The following VPS13B variants were observed in gnomAD, a reference collection of about 807,000 sequenced individuals.
VPS13B encodes the protein intermembrane lipid transfer protein VPS13B.
A neutral mutation model predicts 426.4 loss-of-function variants in VPS13B; 285 were observed. The ratio of observed to expected loss-of-function variants is 0.67; its 90% CI spans 0.61 to 0.74. The LOEUF is 0.74. VPS13B is among the 30% of genes least tolerant of loss of function. The pLI, the probability that VPS13B is intolerant of heterozygous loss-of-function variation, is 0.00. For missense variants in VPS13B, 4,537 were observed against 4,782.6 expected (o/e 0.95, Z 1.51); for synonymous variants, 1,676 against 1,676.4 (o/e 1.00, Z 0.01).
At position 99,212,725 on chromosome 8, in the gene VPS13B, T is replaced by C. The variant is rs533741874; in HGVS notation, c.2515+19668T>C. On this transcript the variant is annotated intron_variant, in intron 17 of 61. Coordinates refer to ENST00000357162, the MANE Select transcript of VPS13B (RefSeq NM_152564.5). ...CCATCATGAAGAATCTTAAGTGATA[T>C]AGTTTGTCAGGATAAAACCCAAACT... Among the ~76,000 whole-genome samples, 3 of 152,284 alleles carry C rather than the reference T, an allele frequency of 2.0e-5. No individual in the cohort carries two copies. In the South Asian group the frequency reaches 6.2e-4, roughly 32 times the overall value.
chr8:99,589,704 C>T (rs1366827754), intron 33 of VPS13B, among the ~76,000 whole-genome samples: 1 of 152,042 alleles, frequency 6.6e-6, no homozygotes, highest in Non-Finnish European at 1.5e-5. Flanking sequence ...GATTTATAAT[C>T]CTTTGGGTAT....
chr8:99,642,667 A>G (rs1300107401), intron 34 of VPS13B, among the ~76,000 whole-genome samples, 169 bp downstream of exon 34: 1 of 152,230 alleles, frequency 6.6e-6, no homozygotes, highest in African/African-American at 2.4e-5. Context: ...TAAATGTTTG[A>G]AATGTATTGA....
chr8:99,792,973 TG>T (rs1450197848), intron 43 of VPS13B, among the ~76,000 whole-genome samples: 6 of 149,836 alleles, frequency 4.0e-5, no homozygotes, highest in Non-Finnish European at 8.9e-5. Flanking sequence ...TGGGAGGCCA[TG>T]GTGGGTGGAT....
At chr8:99,726,255 A>G (rs144970888) in intron 39 of VPS13B, among the ~76,000 whole-genome samples, 5 of 152,352 alleles carry the variant, frequency 3.3e-5, no homozygotes, top group Admixed American at 1.3e-4. Flanking sequence ...TAATTTTATC[A>G]TGTGAACTTT....
intron 17 of VPS13B, among the ~76,000 whole-genome samples, chr8:99,271,246 TAC>T (rs1491265881): frequency 1.4e-3 from 200 of 139,678 alleles, no homozygotes; most frequent in African/African-American, 5.1e-3. Flanking sequence ...CTACTACTAC[TAC>T]GATGATGATT....
rs1353165329 is a variant in VPS13B, at chr8:99,014,110, C to CTTTCT, written c.147+178_147+179insCTTTT. On this transcript the variant is annotated intron_variant, in intron 2 of 61. Coordinates refer to ENST00000357162, the MANE Select transcript of VPS13B (RefSeq NM_152564.5). ...TACACTATTTTCTTTTTCTTTCTTT[C>CTTTCT]TTTTTTTTTTTTTTTTTTTTTTTTT... 4.1e-5 allele frequency among the ~76,000 whole-genome samples: 3 copies of CTTTCT among 72,308 alleles called. No individual in the cohort carries two copies. The East Asian group carries it at 1.6e-3, about 38-fold the overall frequency. The allele number at this position is 72,308 out of a possible 152,430, so 47.4% of individuals were successfully genotyped here. A position where few individuals can be genotyped will look rare whatever the true frequency, so the allele number is the denominator to read the frequency against.
chr8:99,243,988 A>C (rs1817070611), intron 17 of VPS13B, among the ~76,000 whole-genome samples: 1 of 152,260 alleles, frequency 6.6e-6, no homozygotes. Flanking sequence ...GGTGGCTGTC[A>C]GACGAAAGAC....
At chr8:99,301,574 G>A (rs1820369931) in intron 19 of VPS13B, among the ~76,000 whole-genome samples, 1 of 151,756 alleles carries the variant, frequency 6.6e-6, no homozygotes, top group Non-Finnish European at 1.5e-5. Flanking sequence ...ACAGGCGTGA[G>A]CCACTGCACC....
At chr8:99,615,575 T>C (rs1485495289) in intron 33 of VPS13B, among the ~76,000 whole-genome samples, 1 of 152,258 alleles carries the variant, frequency 6.6e-6, no homozygotes, top group Admixed American at 6.5e-5. Flanking sequence ...TTTATTCCCT[T>C]GATAAGGAAA....
chr8:99,278,824 T>C (rs1405803396), intron 19 of VPS13B, among the ~76,000 whole-genome samples: 1 of 152,214 alleles, frequency 6.6e-6, no homozygotes, highest in Non-Finnish European at 1.5e-5. Flanking sequence ...CCCTTTACAC[T>C]TTTCCCACTT....
chr8:99,567,281 G>T (rs1825234994), intron 31 of VPS13B, among the ~76,000 whole-genome samples: 1 of 151,994 alleles, frequency 6.6e-6, no homozygotes, highest in South Asian at 2.1e-4. Context: ...CCAGGTTATA[G>T]ATATAAACAA....
intron 25 of VPS13B, among the ~76,000 whole-genome samples, chr8:99,491,349 T>C (rs187136980): frequency 6.6e-6 from 1 of 152,314 alleles, no homozygotes; most frequent in Admixed American, 6.5e-5. Context: ...TTGGGGTTGT[T>C]CTTCTCAAGG....
rs562266357 is a variant in VPS13B, at chr8:99,355,700, G to A, written c.2825-28508G>A. On this transcript the variant is annotated intron_variant, in intron 19 of 61. Transcript: ENST00000357162. ...GTTCCTATTTAGGGCTGTTGTTCTA[G>A]CTGTGCCTTTTGTTTTGCTTGGTTG... Among the ~76,000 whole-genome samples, 62 of 152,252 alleles carry A rather than the reference G, an allele frequency of 4.1e-4. 1 individual carries two copies. Among genetic ancestry groups the A allele is most frequent in the South Asian group, 1.7e-3 (8 of 4,826 alleles).
intron 19 of VPS13B, among the ~76,000 whole-genome samples, chr8:99,373,909 G>GT (rs1219429701): frequency 6.6e-6 from 1 of 152,126 alleles, no homozygotes; most frequent in African/African-American, 2.4e-5. Flanking sequence ...CATTCCTTCT[G>GT]TAGAATTAAG....
At chr8:99,113,941 C>T (rs1296873967) in intron 6 of VPS13B, among the ~76,000 whole-genome samples, 2 of 151,908 alleles carry the variant, frequency 1.3e-5, no homozygotes, top group Admixed American at 6.6e-5. Flanking sequence ...TATAATTTTC[C>T]ATTTTTTTTG....
At chr8:99,734,397 C>T (rs1480278574) in intron 39 of VPS13B, among the ~76,000 whole-genome samples, 1 of 152,142 alleles carries the variant, frequency 6.6e-6, no homozygotes, top group Non-Finnish European at 1.5e-5. Context: ...TTACAAGGTA[C>T]TCTTAATGTA....
Position 99,556,443 on chromosome 8 carries a change from T to C in VPS13B, c.4746-7T>C, listed in dbSNP as rs201136777. The C allele has an allele frequency of 1.5e-4, 238 of 1,612,184 alleles. No homozygotes were observed. The highest frequency in any genetic ancestry group is 2.3e-4 in the Admixed American group (14 of 59,828). On this transcript the variant is annotated splice_region_variant and splice_polypyrimidine_tract_variant and intron_variant, in intron 30 of 61. Coordinates refer to ENST00000357162, the MANE Select transcript of VPS13B (RefSeq NM_152564.5). The stretch of plus-strand genomic sequence containing the variant: ...TTTTATTTTTGTTTTTTTCGCTGCC[T>C]TTACAGGAGAGCCTTGAACTTAGGA...
At chr8:99,652,404 T>C (rs1371545518) in intron 34 of VPS13B, among the ~76,000 whole-genome samples, 1 of 152,176 alleles carries the variant, frequency 6.6e-6, no homozygotes, top group Non-Finnish European at 1.5e-5. Flanking sequence ...TCAATGACTA[T>C]TAATAAATAT....
intron 34 of VPS13B, among the ~76,000 whole-genome samples, chr8:99,649,586 G>T (rs1588586537): frequency 6.6e-6 from 1 of 151,184 alleles, no homozygotes; most frequent in African/African-American, 2.4e-5. Context: ...AGTCTTAAAT[G>T]CCTGTGTCAC....
Sources: allele counts gnomAD v4.1 joint callset (sites outside exome capture counted in the v4.1 genomes callset), GRCh38; gene constraint gnomAD v4.1.1; transcripts MANE v1.5; gene names NCBI Gene and HGNC (gene_info 2026-07-23, HGNC 2026-07-21).